Variants in KNDC1 observed in about 807,000 individuals in gnomAD.
The protein encoded by KNDC1 is kinase non-catalytic C-lobe domain-containing protein 1.
A neutral mutation model predicts 172.8 loss-of-function variants in KNDC1; 106 were observed. The observed-to-expected ratio is 0.61, with a 90% confidence interval of 0.52 to 0.72. The LOEUF is 0.72. Among genes scored for constraint, KNDC1 ranks in the 30% least tolerant of loss-of-function variants. The probability of loss-of-function intolerance (pLI) is 0.00; values close to 1 mark genes in which losing one functional copy is unlikely to be tolerated. For missense variants in KNDC1, 2,325 were observed against 2,394.5 expected (o/e 0.97, Z 0.61); for synonymous variants, 1,083 against 1,062.2 (o/e 1.02, Z -0.38).
At chr10:133,185,018 G>A (rs889310976) in intron 5 of KNDC1, among the ~76,000 whole-genome samples, 6 of 152,414 alleles carry the variant, frequency 3.9e-5, no homozygotes, top group Admixed American at 1.3e-4. Flanking sequence ...CATTGGCATC[G>A]CTACCTGCAG....
intron 3 of KNDC1, among the ~76,000 whole-genome samples, chr10:133,177,750 G>A (rs1332760932): frequency 6.6e-6 from 1 of 152,070 alleles, no homozygotes; most frequent in Non-Finnish European, 1.5e-5. Context: ...GTGTTGCATG[G>A]TGTGCATACA....
At chr10:133,213,041 AGCTGCCAGGTGCACAGGTTGGGGGTG>A (rs1845403384) in intron 24 of KNDC1, 119 bp downstream of exon 24, 3 of 907,646 alleles carry the variant, frequency 3.3e-6, no homozygotes, top group Admixed American at 2.7e-5. Context: ...AGAAGGGGCC[AGCTGCCAGGTGCACAGGTTGGGGGTG>A]GCTGCCAGGT....
intron 3 of KNDC1, among the ~76,000 whole-genome samples, chr10:133,178,610 C>T (rs1029831351): frequency 2.0e-5 from 3 of 152,156 alleles, no homozygotes; most frequent in East Asian, 1.9e-4. Context: ...CTTGCTCTTC[C>T]AGCCATCTCC....
chr10:133,211,557 C>T lies in KNDC1; in HGVS notation c.4044C>T (p.Phe1348=). The change falls in exon 22 of 30, where the codon TTC becomes TTT. Residue 1348 remains phenylalanine, a synonymous_variant. Transcript: ENST00000304613. ...NSGLLGKLED[F]ISSKILPLDG... is the part of the protein sequence containing the mutation. ...GGCTGCTGGGGAAGCTAGAGGACTT[C>T]ATCTCCTCCAAGGTGACAGTGGCGC... 6.2e-7 allele frequency: 1 copy of T among 1,613,718 alleles called. No individual in the cohort carries two copies. The highest frequency in any genetic ancestry group is 8.5e-7 in the Non-Finnish European group (1 of 1,179,746).
Position 133,214,074 on chromosome 10 carries a change from C to T in KNDC1, c.4629C>T (p.Asp1543=), listed in dbSNP as rs560283064. 19 of 1,614,184 alleles carry T rather than the reference C, an allele frequency of 1.2e-5. No homozygotes were observed. Among genetic ancestry groups the T allele is most frequent in the Middle Eastern group, 3.3e-4 (2 of 6,060 alleles). The change falls in exon 26 of 30, where the codon GAC becomes GAT. Residue 1543 remains aspartate (D), a synonymous_variant. Coordinates refer to ENST00000304613, the MANE Select transcript of KNDC1 (RefSeq NM_152643.8). ...YLLQLLRNAD[D]VSTWVAAEIV... ...TACAGCTTCTAAGAAACGCAGATGACGTCAGCACCTGGGTGGCTGCAGAGA... is the reference window on the plus strand; with the variant it reads ...TACAGCTTCTAAGAAACGCAGATGATGTCAGCACCTGGGTGGCTGCAGAGA...
rs1289330649 is a variant in KNDC1 at position 133,163,209 on chromosome 10, A to G, written c.102+2640A>G. Among the ~76,000 whole-genome samples the G allele has an allele frequency of 6.6e-6, 1 of 152,140 alleles. No homozygotes were observed. The highest frequency in any genetic ancestry group is 2.4e-5 in the African/African-American group (1 of 41,418). ...TGGCTGCCCCATGGGAATTCAGATG[A>G]GACGAAGAGGGTGCACCGGTTTGGG... On this transcript the variant is annotated intron_variant, in intron 1 of 29. Coordinates refer to ENST00000304613, the MANE Select transcript of KNDC1 (RefSeq NM_152643.8). This position sits in a 1 kb window ranked among gnomAD's most constrained non-coding sequence, Gnocchi z 4.4.
At chr10:133,175,492 A>G (rs1853507782) in intron 3 of KNDC1, among the ~76,000 whole-genome samples, 2 of 146,754 alleles carry the variant, frequency 1.4e-5, no homozygotes, top group East Asian at 2.1e-4. Context: ...GGATAAGTAG[A>G]TAGATGGGTA....
chr10:133,196,967 T>G, intron 10 of KNDC1, 91 bp from the exon 11 acceptor site: 8 of 1,022,910 alleles, frequency 7.8e-6, no homozygotes, highest in South Asian at 1.3e-5. Context: ...CTGGCAGCCC[T>G]GAGCTTTTTC....
intron 3 of KNDC1, chr10:133,179,102 G>C (rs993285618): frequency 2.0e-5 from 3 of 152,264 alleles, no homozygotes; most frequent in African/African-American, 7.2e-5. Context: ...TCTTTGATGG[G>C]ATTTTGTCTG....
chr10:133,201,617 C>T lies in KNDC1; in HGVS notation c.3106C>T (p.Pro1036Ser). The change falls in exon 17 of 30, where the codon CCT becomes TCT. Residue 1036 changes from proline to serine, a missense_variant. Transcript: ENST00000304613. ...SRGNFEVGFR[P>S]QRSVKAERAQ... is the part of the protein sequence containing the mutation. ...GGGAAACTTCGAGGTGGGGTTTCGGCCTCAGAGGTCCGTAAAAGCCGAGAG... is the reference window on the plus strand; with the variant it reads ...GGGAAACTTCGAGGTGGGGTTTCGGTCTCAGAGGTCCGTAAAAGCCGAGAG... The T allele has an allele frequency of 1.2e-6, 2 of 1,613,094 alleles. No individual in the cohort carries two copies. Among genetic ancestry groups the T allele is most frequent in the Non-Finnish European group, 1.7e-6 (2 of 1,179,986 alleles).
chr10:133,191,539 A>C (rs1176208878), intron 9 of KNDC1, among the ~76,000 whole-genome samples: 1 of 152,008 alleles, frequency 6.6e-6, no homozygotes. Context: ...ATCTCTACTA[A>C]AAATACAAAA....
intron 15 of KNDC1, 27 bp from the exon 16 acceptor site, chr10:133,200,348 G>A: frequency 6.5e-7 from 1 of 1,548,344 alleles, no homozygotes; most frequent in South Asian, 1.2e-5. Flanking sequence ...GGCGGAGGTG[G>A]GGACTGACCT....
chr10:133,214,153 G>T, intron 26 of KNDC1, 31 bp downstream of exon 26: 1 of 1,610,746 alleles, frequency 6.2e-7, no homozygotes, highest in Non-Finnish European at 8.5e-7. Flanking sequence ...AGGCCAACAC[G>T]GGGCGTGGGG....
intron 21 of KNDC1, 70 bp downstream of exon 21, chr10:133,210,794 G>A: frequency 7.8e-7 from 1 of 1,279,294 alleles, no homozygotes. Flanking sequence ...CATGGGCCTG[G>A]TTTAGCCACC....
chr10:133,221,169 C>T (rs550234954), intron 29 of KNDC1, among the ~76,000 whole-genome samples: 4 of 152,068 alleles, frequency 2.6e-5, no homozygotes, highest in African/African-American at 7.2e-5. Context: ...CTGTCCTGAC[C>T]GCTGGGTGCC....
Position 133,186,042 on chromosome 10 carries a change from G to T in KNDC1, c.694G>T (p.Asp232Tyr), listed in dbSNP as rs200080608. 4 of 1,598,912 alleles carry T rather than the reference G, an allele frequency of 2.5e-6. No individual in the cohort carries two copies. The highest frequency in any genetic ancestry group is 1.7e-5 in the Admixed American group (1 of 58,234). Residue 232 changes from aspartate to tyrosine, a missense_variant, in exon 6 of 30, where the codon GAC becomes TAC. Asp to Tyr is a radical substitution (Grantham distance 160). Transcript: ENST00000304613. ...GNAGPRRPPG[D>Y]PSTDPEVLPT... ...CGCTGGGCCCAGGAGGCCGCCCGGGGACCCCAGCACTGACCCGGAGGTTCT... is the reference window on the plus strand; with the variant it reads ...CGCTGGGCCCAGGAGGCCGCCCGGGTACCCCAGCACTGACCCGGAGGTTCT...
At chr10:133,219,186 C>T in intron 28 of KNDC1, 96 bp downstream of exon 28, 1 of 1,441,240 alleles carries the variant, frequency 6.9e-7, no homozygotes, top group Non-Finnish European at 9.5e-7. Context: ...GACGCAGGCA[C>T]CACAGAGTGT....
At chr10:133,160,678 C>T in intron 1 of KNDC1, 109 bp downstream of exon 1, 1 of 648,364 alleles carries the variant, frequency 1.5e-6, no homozygotes. Flanking sequence ...CCCCAGGCGC[C>T]CTCCATGGCC....
chr10:133,187,257 C>T (rs925558984), intron 6 of KNDC1, among the ~76,000 whole-genome samples: 3 of 152,248 alleles, frequency 2.0e-5, no homozygotes, highest in African/African-American at 7.2e-5. Context: ...CAGTGCTGCC[C>T]CTGGTCAGCT....
Sources: allele counts gnomAD v4.1 joint callset (sites outside exome capture counted in the v4.1 genomes callset), GRCh38; gene constraint gnomAD v4.1.1; non-coding constraint Gnocchi (gnomAD v3.1); transcripts MANE v1.5; gene names NCBI Gene and HGNC (gene_info 2026-07-23, HGNC 2026-07-21).